Variants in ST6GAL1 observed in about 807,000 individuals in gnomAD.
The protein encoded by ST6GAL1 is beta-galactoside alpha-2,6-sialyltransferase 1.
In ST6GAL1, 20 loss-of-function variants were observed where a neutral mutation model predicts 38.0. That is an observed-to-expected ratio of 0.53 (90% CI 0.37 to 0.77). ST6GAL1 has a LOEUF of 0.77. Ranked by LOEUF, ST6GAL1 falls within the 30% of genes least tolerant of loss-of-function variation. The pLI, the probability that ST6GAL1 is intolerant of heterozygous loss-of-function variation, is 0.00. For missense variants in ST6GAL1, 432 were observed against 496.4 expected (o/e 0.87, Z 1.23); for synonymous variants, 196 against 188.2 (o/e 1.04, Z -0.34).
intron 1 of ST6GAL1, among the ~76,000 whole-genome samples, chr3:186,947,933 G>T (rs1007831523): frequency 3.9e-5 from 6 of 152,226 alleles, no homozygotes; most frequent in African/African-American, 1.4e-4. Flanking sequence ...CATAGACACA[G>T]CCCCTACAGG....
chr3:186,931,756 C>T (rs1440730148), intron 1 of ST6GAL1, among the ~76,000 whole-genome samples: 1 of 152,206 alleles, frequency 6.6e-6, no homozygotes, highest in Admixed American at 6.5e-5. Context: ...CCCAGACACC[C>T]CAGATGTCAC....
intron 1 of ST6GAL1, among the ~76,000 whole-genome samples, chr3:186,951,283 C>T (rs1279113883): frequency 1.3e-5 from 2 of 152,184 alleles, no homozygotes; most frequent in African/African-American, 4.8e-5. Context: ...TCTCGAACTC[C>T]TGACCTCAGG....
At chr3:186,954,268 T>C (rs1262701648) in intron 1 of ST6GAL1, among the ~76,000 whole-genome samples, 2 of 152,236 alleles carry the variant, frequency 1.3e-5, no homozygotes, top group East Asian at 1.9e-4. Context: ...TCTTTGCTAT[T>C]GTGAATAGTG....
At chr3:186,938,529 G>A (rs113988228) in intron 1 of ST6GAL1, among the ~76,000 whole-genome samples, 4 of 152,082 alleles carry the variant, frequency 2.6e-5, no homozygotes, top group South Asian at 2.1e-4. Flanking sequence ...TTCACAAGCC[G>A]CACACTTTTG....
At chr3:187,050,964 A>G (rs2108586766) in intron 4 of ST6GAL1, among the ~76,000 whole-genome samples, 1 of 152,290 alleles carries the variant, frequency 6.6e-6, no homozygotes, top group African/African-American at 2.4e-5. Context: ...GGCTTTGTTC[A>G]CTTTTCTGTG....
At chr3:187,047,550 TCTC>T (rs1191801151) in intron 4 of ST6GAL1, among the ~76,000 whole-genome samples, 2 of 152,198 alleles carry the variant, frequency 1.3e-5, no homozygotes, top group East Asian at 1.9e-4. Flanking sequence ...TATTTTTTCT[TCTC>T]CTAATTTGCC....
chr3:187,039,228 G>A (rs560551568), intron 3 of ST6GAL1, among the ~76,000 whole-genome samples: 238 of 152,274 alleles, frequency 1.6e-3, no homozygotes, highest in African/African-American at 5.4e-3. Flanking sequence ...GATTTCTGCC[G>A]GTTCAGTGTT....
chr3:187,039,259 T>C (rs777097740), intron 3 of ST6GAL1, among the ~76,000 whole-genome samples: 39 of 152,326 alleles, frequency 2.6e-4, no homozygotes, highest in Admixed American at 3.3e-4. Context: ...TTGAAGGTGA[T>C]GATGCAAGTC....
chr3:187,005,269 C>CTTT (rs58085172), intron 2 of ST6GAL1, among the ~76,000 whole-genome samples: 15 of 103,900 alleles, frequency 1.4e-4, no homozygotes, highest in Non-Finnish European at 1.6e-4. Context: ...TTTTCTTTTT[C>CTTT]TTTTTTTTTT....
chr3:186,965,633 C>A (rs767147963), intron 2 of ST6GAL1, among the ~76,000 whole-genome samples: 4 of 152,142 alleles, frequency 2.6e-5, no homozygotes, highest in Admixed American at 1.3e-4. Flanking sequence ...GTGACTGAGG[C>A]GAAAGTACGT....
chr3:187,016,037 C>T (rs1717105239), intron 2 of ST6GAL1, among the ~76,000 whole-genome samples: 1 of 152,188 alleles, frequency 6.6e-6, no homozygotes, highest in African/African-American at 2.4e-5. Context: ...GTCGGATGTC[C>T]AGACCTGGCA....
Position 187,051,904 on chromosome 3 carries a change from C to T in ST6GAL1, c.705+558C>T, listed in dbSNP as rs541712129. Among the ~76,000 whole-genome samples, 4 of 152,204 alleles carry T rather than the reference C, an allele frequency of 2.6e-5. No homozygotes were observed. The East Asian group carries it at 7.7e-4, about 29-fold the overall frequency. ...AGGGAGACTTGAGAAATATTCTTGC[C>T]ACAGGGTTCTGTTAGTATATTTTAT... On this transcript the variant is annotated intron_variant, in intron 5 of 7. Coordinates refer to ENST00000169298, the MANE Select transcript of ST6GAL1 (RefSeq NM_173216.2).
At chr3:187,025,274 G>A (rs970163802) in intron 2 of ST6GAL1, among the ~76,000 whole-genome samples, 4 of 152,062 alleles carry the variant, frequency 2.6e-5, no homozygotes, top group Non-Finnish European at 4.4e-5. Context: ...AAGAAAAATC[G>A]AAGCAGTGTA....
At chr3:186,947,055 G>A (rs1321962892) in intron 1 of ST6GAL1, among the ~76,000 whole-genome samples, 1 of 152,180 alleles carries the variant, frequency 6.6e-6, no homozygotes, top group Non-Finnish European at 1.5e-5. Context: ...GCCTGGGGAT[G>A]AAGGGGCGTT....
chr3:187,035,736 C>A (rs1234023445), intron 2 of ST6GAL1, among the ~76,000 whole-genome samples: 2 of 152,136 alleles, frequency 1.3e-5, no homozygotes, highest in Non-Finnish European at 2.9e-5. Flanking sequence ...CTTCCTTATA[C>A]CATATACAAA....
At position 186,976,944 on chromosome 3, in the gene ST6GAL1, A is replaced by C. The variant is rs550888456; in HGVS notation, c.-183+13018A>C. Among the ~76,000 whole-genome samples the C allele has an allele frequency of 2.6e-5, 4 of 152,328 alleles. No individual in the cohort carries two copies. In the East Asian group the frequency reaches 7.7e-4, roughly 29 times the overall value. On this transcript the variant is annotated intron_variant, in intron 2 of 7. Transcript: ENST00000169298. ...GCACTGTTTTAGGTGCTGATACCAT[A>C]TGAATAAAGGACACAAAAATCCTGC...
chr3:186,994,030 C>G (rs1716275034), intron 2 of ST6GAL1, among the ~76,000 whole-genome samples: 1 of 152,118 alleles, frequency 6.6e-6, no homozygotes, highest in Admixed American at 6.6e-5. Context: ...CCTTGCCTTC[C>G]ACATATTTCT....
chr3:186,981,313 T>C (rs1271765210), intron 2 of ST6GAL1, among the ~76,000 whole-genome samples: 3 of 152,224 alleles, frequency 2.0e-5, no homozygotes, highest in African/African-American at 7.2e-5. Flanking sequence ...TGGTTTCTGA[T>C]TGGTGAAGCC....
intron 1 of ST6GAL1, among the ~76,000 whole-genome samples, chr3:186,959,237 ACT>A (rs1245783032): frequency 6.6e-6 from 1 of 152,126 alleles, no homozygotes; most frequent in Non-Finnish European, 1.5e-5. Context: ...TCACCCATGT[ACT>A]CAGTGTGCAA....
Sources: allele counts gnomAD v4.1 joint callset (sites outside exome capture counted in the v4.1 genomes callset), GRCh38; gene constraint gnomAD v4.1.1; transcripts MANE v1.5; gene names NCBI Gene and HGNC (gene_info 2026-07-23, HGNC 2026-07-21).